OPCML: variants seen among roughly 807,000 people sequenced by gnomAD.
OPCML encodes the protein opioid binding protein/cell adhesion molecule like, also known as opioid-binding protein/cell adhesion molecule.
OPCML carries 13 observed loss-of-function variants against 37.8 expected under a neutral mutation model. The ratio of observed to expected loss-of-function variants is 0.34; its 90% CI spans 0.22 to 0.55. The LOEUF (loss-of-function observed/expected upper bound fraction) is 0.55, where lower values mean the gene tolerates loss of function less well. Among genes scored for constraint, OPCML ranks in the 20% least tolerant of loss-of-function variants. The pLI, the probability that OPCML is intolerant of heterozygous loss-of-function variation, is 0.91. For missense variants in OPCML, 341 were observed against 435.6 expected, an observed-to-expected ratio of 0.78 and a Z score of 1.93; for synonymous variants, 176 against 168.8, an observed-to-expected ratio of 1.04 and a Z score of -0.33.
chr11:133,415,616 T>A (rs1470123693), intron 1 of OPCML, among the ~76,000 whole-genome samples: 1 of 152,142 alleles, frequency 6.6e-6, no homozygotes, highest in Non-Finnish European at 1.5e-5. Context: ...CTCAGAGGCA[T>A]CTGTGCCCTG....
chr11:132,887,943 G>A (rs1591757831), intron 2 of OPCML, among the ~76,000 whole-genome samples: 1 of 152,184 alleles, frequency 6.6e-6, no homozygotes, highest in African/African-American at 2.4e-5. Flanking sequence ...GCCAGGCCAA[G>A]GGCTGGTCTC....
chr11:132,469,717 A>G (rs1173603323), intron 4 of OPCML, among the ~76,000 whole-genome samples: 13 of 61,878 alleles, frequency 2.1e-4, no homozygotes, highest in South Asian at 5.9e-4. Flanking sequence ...TGTGGAGGGG[A>G]GTGAGTGTGT....
intron 1 of OPCML, among the ~76,000 whole-genome samples, chr11:133,344,938 C>T (rs1472222378): frequency 6.6e-6 from 1 of 152,128 alleles, no homozygotes; most frequent in Non-Finnish European, 1.5e-5. Context: ...GGAGGACTTG[C>T]TAGCCACGTC....
chr11:132,580,821 A>G (rs1591580706), intron 3 of OPCML, among the ~76,000 whole-genome samples: 1 of 152,292 alleles, frequency 6.6e-6, no homozygotes, highest in East Asian at 1.9e-4. Context: ...CATTTAACCA[A>G]ATCAATGTGC....
chr11:132,613,256 C>G (rs1288885540), intron 3 of OPCML, among the ~76,000 whole-genome samples: 2 of 152,198 alleles, frequency 1.3e-5, no homozygotes, highest in East Asian at 3.9e-4. Flanking sequence ...AAAGCTACGT[C>G]TTGGGTAAAC....
intron 2 of OPCML, among the ~76,000 whole-genome samples, chr11:132,712,301 CCCTCCCCCACATCCT>C (rs1485932577): frequency 2.6e-5 from 4 of 151,674 alleles, no homozygotes; most frequent in East Asian, 1.9e-4. Context: ...GGTGCCCCCA[CCCTCCCCCACATCCT>C]CCTCCCCCAC....
intron 1 of OPCML, among the ~76,000 whole-genome samples, chr11:133,358,878 C>A (rs1335283657): frequency 1.3e-5 from 2 of 152,048 alleles, no homozygotes; most frequent in Non-Finnish European, 2.9e-5. Context: ...ATAACAAGAA[C>A]AACGGTGCTG....
chr11:133,480,060 C>A (rs1169749946), intron 1 of OPCML, among the ~76,000 whole-genome samples: 1 of 152,190 alleles, frequency 6.6e-6, no homozygotes, highest in Non-Finnish European at 1.5e-5. Flanking sequence ...TCTGTGGACC[C>A]CAATCCAAGA....
chr11:132,467,514 T>C (rs113176120), intron 4 of OPCML, among the ~76,000 whole-genome samples: 1,658 of 152,368 alleles, frequency 0.011, 21 homozygotes, highest in Middle Eastern at 0.041. Context: ...TTTTATTATT[T>C]AAAGGCATCA....
At chr11:133,521,150 G>T (rs1193500252) in intron 1 of OPCML, among the ~76,000 whole-genome samples, 1 of 152,220 alleles carries the variant, frequency 6.6e-6, no homozygotes, top group African/African-American at 2.4e-5. Flanking sequence ...CACTTCGGAA[G>T]GGGTGTGTCC....
chr11:133,226,312 G>T (rs963888150), intron 1 of OPCML, among the ~76,000 whole-genome samples: 1 of 152,240 alleles, frequency 6.6e-6, no homozygotes. Flanking sequence ...TATAATCTGT[G>T]GTTCTAAAAA....
intron 3 of OPCML, among the ~76,000 whole-genome samples, chr11:132,543,817 T>C (rs1455769194): frequency 1.3e-5 from 2 of 152,154 alleles, no homozygotes; most frequent in Non-Finnish European, 2.9e-5. Flanking sequence ...TTACTTATAA[T>C]TCTTGGATTT....
chr11:133,491,498 C>T (rs1385616378), intron 1 of OPCML, among the ~76,000 whole-genome samples: 2 of 152,108 alleles, frequency 1.3e-5, no homozygotes, highest in African/African-American at 4.8e-5. Flanking sequence ...ACAATATTTC[C>T]CCCACCCTCT....
chr11:133,156,176 A>G (rs1163138766), intron 1 of OPCML, among the ~76,000 whole-genome samples: 1 of 152,118 alleles, frequency 6.6e-6, no homozygotes, highest in East Asian at 1.9e-4. Context: ...TGGTAAACAG[A>G]GCTCCCATTT....
intron 1 of OPCML, among the ~76,000 whole-genome samples, chr11:133,082,634 C>T (rs1378359394): frequency 3.3e-5 from 3 of 91,986 alleles, no homozygotes; most frequent in South Asian, 4.1e-4. Flanking sequence ...CCCCGCCCCA[C>T]CCCGTTCTGC....
rs571611369 is a variant in OPCML at position 133,173,789 on chromosome 11, A to T, written c.62-230779T>A. ...GAATTACGTTTTTCTCTTTTTCCCC[A>T]TCCCAGCTTCCATAGCAATACGACA... On this transcript the variant is annotated intron_variant, in intron 1 of 7. Transcript: ENST00000524381. The surrounding 1 kb of genome is among the most constrained non-coding windows in gnomAD (Gnocchi z 7.8). Among the ~76,000 whole-genome samples, 3 of 152,310 alleles carry T rather than the reference A, an allele frequency of 2.0e-5. No homozygotes were observed. Among genetic ancestry groups the T allele is most frequent in the South Asian group, 4.1e-4 (2 of 4,832 alleles).
intron 4 of OPCML, among the ~76,000 whole-genome samples, chr11:132,499,088 G>A (rs974951294): frequency 6.6e-6 from 1 of 152,222 alleles, no homozygotes; most frequent in South Asian, 2.1e-4. Context: ...CAGCCAGAAA[G>A]TAGATCCGGG....
chr11:132,554,459 A>G (rs920237195), intron 3 of OPCML, among the ~76,000 whole-genome samples: 4 of 152,342 alleles, frequency 2.6e-5, no homozygotes, highest in Middle Eastern at 3.4e-3. Flanking sequence ...CAAAGCATTC[A>G]GAAGCCAGCT....
intron 2 of OPCML, among the ~76,000 whole-genome samples, chr11:132,700,097 A>G (rs531894646): frequency 1.3e-5 from 2 of 152,130 alleles, no homozygotes; most frequent in South Asian, 2.1e-4. Flanking sequence ...TCATTGGTGT[A>G]TAATTGTTCA....
Sources: gnomAD v4.1 joint callset for allele counts (sites outside exome capture counted in the v4.1 genomes callset) on GRCh38, gnomAD v4.1.1 for gene constraint, Gnocchi (gnomAD v3.1) non-coding constraint, MANE v1.5 for transcripts, NCBI Gene and HGNC (gene_info 2026-07-23, HGNC 2026-07-21) for gene names.